The following MVB12B variants were observed in gnomAD, a reference collection of about 807,000 sequenced individuals.
The protein encoded by MVB12B is ESCRT-I complex subunit MVB12B.
A neutral mutation model predicts 41.6 loss-of-function variants in MVB12B; 16 were observed. That is an observed-to-expected ratio of 0.38 (90% CI 0.26 to 0.58). MVB12B has a LOEUF of 0.58. MVB12B is among the 20% of genes least tolerant of loss of function. The pLI is 0.62. For missense variants in MVB12B, 274 were observed against 380.2 expected (o/e 0.72, Z 2.32); for synonymous variants, 133 against 139.7 (o/e 0.95, Z 0.34).
chr9:126,493,772 A>G (rs1401250981), intron 9 of MVB12B, among the ~76,000 whole-genome samples: 2 of 151,984 alleles, frequency 1.3e-5, no homozygotes, highest in African/African-American at 4.8e-5. Flanking sequence ...TTCTCATTCT[A>G]TTTTCTGCCA....
chr9:126,481,056 G>C, intron 7 of MVB12B: 2 of 361,714 alleles, frequency 5.5e-6, no homozygotes, highest in Admixed American at 9.0e-5. Context: ...TCCCGTTACA[G>C]ATCAGAGACC....
chr9:126,328,442 A>G (rs1829041698), intron 1 of MVB12B, among the ~76,000 whole-genome samples: 1 of 152,164 alleles, frequency 6.6e-6, no homozygotes, highest in Non-Finnish European at 1.5e-5. Flanking sequence ...ACCTTTTACC[A>G]CTTCCAACTG....
At chr9:126,466,524 G>A (rs545697170) in intron 7 of MVB12B, among the ~76,000 whole-genome samples, 1 of 152,314 alleles carries the variant, frequency 6.6e-6, no homozygotes, top group Non-Finnish European at 1.5e-5. Context: ...CGGATAGTGT[G>A]ACATGACCGC....
chr9:126,466,700 C>T (rs1833208071), intron 7 of MVB12B, among the ~76,000 whole-genome samples: 2 of 151,968 alleles, frequency 1.3e-5, no homozygotes, highest in Non-Finnish European at 2.9e-5. Context: ...TCTATGGTGC[C>T]CTAGAGATGC....
At chr9:126,360,549 T>C (rs999409299) in intron 2 of MVB12B, among the ~76,000 whole-genome samples, 1 of 152,234 alleles carries the variant, frequency 6.6e-6, no homozygotes, top group African/African-American at 2.4e-5. Flanking sequence ...TGTATATTCT[T>C]CTTCTGTTGC....
intron 8 of MVB12B, among the ~76,000 whole-genome samples, chr9:126,483,677 C>CT (rs1406666154): frequency 5.9e-5 from 9 of 152,202 alleles, no homozygotes; most frequent in Non-Finnish European, 8.8e-5. Context: ...CAGCCACGGT[C>CT]AGTCCTCCAG....
chr9:126,363,335 T>C (rs1235922753), intron 2 of MVB12B, among the ~76,000 whole-genome samples: 1 of 152,208 alleles, frequency 6.6e-6, no homozygotes, highest in Non-Finnish European at 1.5e-5. Flanking sequence ...TTATGAGGTA[T>C]GTATATGATG....
chr9:126,415,689 TAG>T (rs1275757351), intron 6 of MVB12B, among the ~76,000 whole-genome samples: 1 of 152,104 alleles, frequency 6.6e-6, no homozygotes, highest in African/African-American at 2.4e-5. Context: ...TAGGTAATCT[TAG>T]AGGATTTTCC....
intron 6 of MVB12B, among the ~76,000 whole-genome samples, chr9:126,413,706 G>A (rs1021100827): frequency 2.0e-5 from 3 of 152,106 alleles, no homozygotes; most frequent in Non-Finnish European, 4.4e-5. Flanking sequence ...AACTGGCTGC[G>A]TCGTCTTCCA....
intron 2 of MVB12B, among the ~76,000 whole-genome samples, chr9:126,354,049 A>C (rs764261122): frequency 3.3e-5 from 5 of 152,172 alleles, no homozygotes; most frequent in Admixed American, 1.3e-4. Flanking sequence ...CAAAACTAGG[A>C]GCTCATTTTG....
intron 6 of MVB12B, among the ~76,000 whole-genome samples, chr9:126,409,628 C>A (rs1175511890): frequency 6.6e-6 from 1 of 152,170 alleles, no homozygotes; most frequent in Non-Finnish European, 1.5e-5. Flanking sequence ...CCACGTGGCT[C>A]CCGCCTGCTG....
chr9:126,422,666 C>T (rs1227700535), intron 7 of MVB12B, among the ~76,000 whole-genome samples: 6 of 152,146 alleles, frequency 3.9e-5, no homozygotes, highest in African/African-American at 1.4e-4. Context: ...GTGCCACTTA[C>T]CAGCACACAC....
intron 2 of MVB12B, among the ~76,000 whole-genome samples, chr9:126,357,752 C>G (rs1275913316): frequency 1.3e-5 from 2 of 152,094 alleles, no homozygotes; most frequent in African/African-American, 4.8e-5. Context: ...TATGTATGAA[C>G]TATTTTCTCC....
chr9:126,375,569 C>T (rs1340685032), intron 2 of MVB12B, among the ~76,000 whole-genome samples: 1 of 152,124 alleles, frequency 6.6e-6, no homozygotes, highest in Non-Finnish European at 1.5e-5. Context: ...GGGCGTGCTG[C>T]TGTCCTCTGG....
chr9:126,402,672 G>A (rs927388115), intron 6 of MVB12B, among the ~76,000 whole-genome samples: 3 of 152,114 alleles, frequency 2.0e-5, no homozygotes, highest in Admixed American at 6.5e-5. Flanking sequence ...AGAAGAAGAC[G>A]AGGGCTTGGG....
At chr9:126,498,407 G>T (rs1171948190) in intron 9 of MVB12B, among the ~76,000 whole-genome samples, 2 of 152,158 alleles carry the variant, frequency 1.3e-5, no homozygotes, top group Non-Finnish European at 2.9e-5. Flanking sequence ...GACTCTTCTC[G>T]TTGGCCCCAG....
At chr9:126,348,705 G>A (rs1829665410) in intron 2 of MVB12B, among the ~76,000 whole-genome samples, 1 of 152,112 alleles carries the variant, frequency 6.6e-6, no homozygotes, top group African/African-American at 2.4e-5. Flanking sequence ...AAAAAGACGA[G>A]GCGCTTGCTT....
chr9:126,472,724 C>A (rs1045587458), intron 7 of MVB12B, among the ~76,000 whole-genome samples: 6 of 152,108 alleles, frequency 3.9e-5, no homozygotes, highest in African/African-American at 1.4e-4. Context: ...ACTGGCACTT[C>A]AGTTTGGGAT....
chr9:126,481,126 T>G (rs1833515397), intron 7 of MVB12B: 1 of 541,310 alleles, frequency 1.8e-6, no homozygotes, highest in Non-Finnish European at 3.3e-6. Flanking sequence ...CTAGAGCTCT[T>G]GTCTACACAA....
Sources: allele counts gnomAD v4.1 joint callset (sites outside exome capture counted in the v4.1 genomes callset), GRCh38; gene constraint gnomAD v4.1.1; transcripts MANE v1.5; gene names NCBI Gene and HGNC (gene_info 2026-07-23, HGNC 2026-07-21).